ALG9: variants seen among roughly 807,000 people sequenced by gnomAD.
ALG9 encodes ALG9 alpha-1,2-mannosyltransferase, also known as alpha-1,2-mannosyltransferase ALG9.
A neutral mutation model predicts 81.8 loss-of-function variants in ALG9; 55 were observed. That is an observed-to-expected ratio of 0.67 (90% CI 0.54 to 0.84). The LOEUF (loss-of-function observed/expected upper bound fraction) is 0.84, where lower values mean the gene tolerates loss of function less well. Ranked by LOEUF, ALG9 falls within the 40% of genes least tolerant of loss-of-function variation. ALG9 has a pLI of 0.00. For synonymous variants in ALG9, 278 were observed against 274.3 expected (o/e 1.01, Z -0.13); for missense variants, 629 against 745.0 (o/e 0.84, Z 1.81).
At chr11:111,801,001 C>T (rs3893825) in intron 14 of ALG9, among the ~76,000 whole-genome samples, 5,626 of 152,158 alleles carry the variant, frequency 0.037, 363 homozygotes, top group African/African-American at 0.13. Flanking sequence ...TGTCATAGGC[C>T]TATTAAAACC....
chr11:111,786,326 C>T lies in ALG9; in HGVS notation c.*71G>A, dbSNP rs1946461703. The T allele has an allele frequency of 3.1e-6, 5 of 1,606,744 alleles. No homozygotes were observed. The South Asian group carries it at 5.5e-5, about 18-fold the overall frequency. ...TTATTACAAATGTTACAGGCGATGACTTGCAGGGAGTCAGGTCACTGGAAT... is the reference window on the plus strand; with the variant it reads ...TTATTACAAATGTTACAGGCGATGATTTGCAGGGAGTCAGGTCACTGGAAT... On this transcript the variant is annotated 3_prime_UTR_variant, in exon 15 of 15. Transcript: ENST00000616540.
At chr11:111,869,726 C>T (rs1190273655) in intron 2 of ALG9, among the ~76,000 whole-genome samples, 11 of 152,206 alleles carry the variant, frequency 7.2e-5, no homozygotes, top group African/African-American at 2.2e-4. Flanking sequence ...CAGTGGCTCA[C>T]GCCTGTAATC....
chr11:111,820,947 C>CACACACACA lies in ALG9; in HGVS notation c.1603-11175_1603-11174insTGTGTGTGT, dbSNP rs548465357. ...ACACACACACACACACACACACACA[C>CACACACACA]AAGCCAGGTATGGTGGTGTGCACCT... On this transcript the variant is annotated intron_variant, in intron 13 of 14. Transcript: ENST00000616540. Among the ~76,000 whole-genome samples, 500 of 146,920 alleles carry CACACACACA rather than the reference C, an allele frequency of 3.4e-3. 2 individuals are homozygous for CACACACACA. The highest frequency in any genetic ancestry group is 0.032 in the Middle Eastern group (9 of 278).
the ALG9 span, chr11:111,768,902 A>G: frequency 5.9e-5 from 9 of 151,450 alleles, no homozygotes; most frequent in African/African-American, 2.0e-4. Context: ...TGCCCAGGCT[A>G]AAAATGGATT....
intron 5 of ALG9, 110 bp downstream of exon 5, chr11:111,860,437 T>G: frequency 1.1e-6 from 1 of 915,288 alleles, no homozygotes; most frequent in South Asian, 1.3e-5. Context: ...TTTGGACAAA[T>G]GCTTCCTTTA....
At chr11:111,840,544 A>G in intron 10 of ALG9, 111 bp downstream of exon 10, 1 of 1,288,428 alleles carries the variant, frequency 7.8e-7, no homozygotes, top group Non-Finnish European at 1.1e-6. Flanking sequence ...GTTTAATGTT[A>G]TGGATAAAAT....
chr11:111,818,242 G>A lies in ALG9; in HGVS notation c.1603-8469C>T, dbSNP rs115455197. Among the ~76,000 whole-genome samples, 272 of 152,314 alleles carry A rather than the reference G, an allele frequency of 1.8e-3. 1 individual carries two copies. Among genetic ancestry groups the A allele is most frequent in the African/African-American group, 6.0e-3 (251 of 41,582 alleles). On this transcript the variant is annotated intron_variant, in intron 13 of 14. Coordinates refer to ENST00000616540, the MANE Select transcript of ALG9 (RefSeq NM_024740.2). ...ATGGGGTACTCAAGTACAGTCATGC[G>A]TCACTTAACGAGGGAGACAGGTTTT...
At chr11:111,799,634 TA>T (rs1231087756) in intron 14 of ALG9, among the ~76,000 whole-genome samples, 1 of 152,060 alleles carries the variant, frequency 6.6e-6, no homozygotes, top group Non-Finnish European at 1.5e-5. Flanking sequence ...ACAAAGAAAA[TA>T]TATCTATGTA....
In ALG9 at chr11:111,786,202, G is replaced by C; in HGVS notation, c.*195C>G. On this transcript the variant is annotated 3_prime_UTR_variant, in exon 15 of 15. Coordinates refer to ENST00000616540, the MANE Select transcript of ALG9 (RefSeq NM_024740.2). ...CTGCAAAAAGTTTACATGCAGAACA[G>C]AGACACACACAGGGAGCAAATGTGA... 3 of 820,030 alleles carry C rather than the reference G, an allele frequency of 3.7e-6. No individual in the cohort carries two copies. The South Asian group carries it at 4.2e-5, about 11-fold the overall frequency. The allele number at this position is 820,030 out of a possible 1,614,324, so 50.8% of individuals were successfully genotyped here.
chr11:111,867,026 C>T (rs944953080), intron 3 of ALG9, among the ~76,000 whole-genome samples: 2 of 152,110 alleles, frequency 1.3e-5, no homozygotes, highest in Admixed American at 1.3e-4. Context: ...ATCCGGGAAA[C>T]GGAGGTTGCT....
At chr11:111,859,198 G>C (rs1205557894) in intron 5 of ALG9, among the ~76,000 whole-genome samples, 4 of 152,140 alleles carry the variant, frequency 2.6e-5, no homozygotes, top group African/African-American at 9.7e-5. Flanking sequence ...TGAAGAGCAA[G>C]ACCTTGCACT....
chr11:111,808,184 C>T (rs1591939517), intron 14 of ALG9, among the ~76,000 whole-genome samples: 1 of 152,180 alleles, frequency 6.6e-6, no homozygotes, highest in East Asian at 1.9e-4. Context: ...TACAAAAAGA[C>T]TTACAAGATG....
downstream of ALG9, among the ~76,000 whole-genome samples, chr11:111,777,530 C>G (rs112827843): frequency 6.7e-3 from 1,014 of 152,180 alleles, 10 homozygotes; most frequent in African/African-American, 0.023. Flanking sequence ...CTTAAGCTGT[C>G]AGAGACAGTG....
At chr11:111,859,829 T>G (rs1959409151) in intron 5 of ALG9, among the ~76,000 whole-genome samples, 1 of 152,056 alleles carries the variant, frequency 6.6e-6, no homozygotes, top group African/African-American at 2.4e-5. Context: ...CTGTATATAC[T>G]AGATCCTGGT....
Position 111,822,913 on chromosome 11 carries a change from A to T in ALG9, c.1603-13140T>A, listed in dbSNP as rs200220697. Among the ~76,000 whole-genome samples the T allele has an allele frequency of 2.6e-5, 4 of 152,104 alleles. No homozygotes were observed. The East Asian group carries it at 7.7e-4, about 29-fold the overall frequency. ...GTGGCACATTCCTGTAATCCCAGCT[A>T]CTCAGGAGGCTGAGGCGGGAGAATC... On this transcript the variant is annotated intron_variant, in intron 13 of 14. Coordinates refer to ENST00000616540, the MANE Select transcript of ALG9 (RefSeq NM_024740.2).
intron 1 of ALG9, 191 bp downstream of exon 1, chr11:111,871,161 T>A (rs995744216): frequency 4.3e-5 from 55 of 1,290,416 alleles, no homozygotes; most frequent in Non-Finnish European, 5.3e-5. Context: ...AGTGGAGGGA[T>A]CTAAGGTGGG....
intron 14 of ALG9, among the ~76,000 whole-genome samples, chr11:111,797,004 T>C (rs1948391647): frequency 6.6e-6 from 1 of 152,212 alleles, no homozygotes; most frequent in South Asian, 2.1e-4. Flanking sequence ...CCTGCTGGAC[T>C]ACTGCATGTA....
intron 1 of ALG9, 34 bp from the exon 2 acceptor site, chr11:111,870,404 AGCAT>A: frequency 1.4e-6 from 2 of 1,472,844 alleles, no homozygotes; most frequent in Non-Finnish European, 1.8e-6. Flanking sequence ...AAAAAAAAAA[AGCAT>A]GTCAGGAAGG....
intron 13 of ALG9, among the ~76,000 whole-genome samples, chr11:111,809,991 C>G (rs1950479881): frequency 6.6e-6 from 1 of 152,160 alleles, no homozygotes; most frequent in South Asian, 2.1e-4. Context: ...TTTGGCTGGT[C>G]TGATTCTAGG....
Sources: gnomAD v4.1 joint callset for allele counts (sites outside exome capture counted in the v4.1 genomes callset) on GRCh38, gnomAD v4.1.1 for gene constraint, MANE v1.5 for transcripts, NCBI Gene and HGNC (gene_info 2026-07-23, HGNC 2026-07-21) for gene names.